CPS1: variants seen among roughly 807,000 people sequenced by gnomAD.
CPS1 encodes carbamoyl-phosphate synthase [ammonia], mitochondrial.
In CPS1, 109 loss-of-function variants were observed where a neutral mutation model predicts 174.6. The observed-to-expected ratio is 0.62, with a 90% CI of 0.53 to 0.73. The LOEUF (loss-of-function observed/expected upper bound fraction) is 0.73, where lower values mean the gene tolerates loss of function less well. Ranked by LOEUF, CPS1 falls within the 30% of genes least tolerant of loss-of-function variation. The probability of loss-of-function intolerance (pLI) is 0.00; values close to 1 mark genes in which losing one functional copy is unlikely to be tolerated. For missense variants in CPS1, 1,689 were observed against 1,821.9 expected (o/e 0.93, Z 1.33); for synonymous variants, 637 against 632.0 (o/e 1.01, Z -0.12).
intron 18 of CPS1, among the ~76,000 whole-genome samples, chr2:210,608,137 T>C (rs961511469): frequency 3.3e-5 from 5 of 151,914 alleles, no homozygotes; most frequent in African/African-American, 9.7e-5. Flanking sequence ...ATGCATGTAG[T>C]GCACAGAGAG....
At chr2:210,487,282 A>T (rs1390138894) in intron 1 of CPS1, among the ~76,000 whole-genome samples, 2 of 152,104 alleles carry the variant, frequency 1.3e-5, no homozygotes, top group African/African-American at 2.4e-5. Context: ...GCTTACTGTC[A>T]CTTCTCTCTG....
At chr2:210,567,101 G>A (rs185784061) in intron 1 of CPS1, among the ~76,000 whole-genome samples, 349 of 152,154 alleles carry the variant, frequency 2.3e-3, no homozygotes, top group Non-Finnish European at 3.5e-3. Flanking sequence ...GGTAGAAATA[G>A]GATAGTGACA....
chr2:210,510,464 A>G (rs1270046802), intron 1 of CPS1, among the ~76,000 whole-genome samples: 1 of 152,076 alleles, frequency 6.6e-6, no homozygotes, highest in Non-Finnish European at 1.5e-5. Flanking sequence ...GGACATAGGC[A>G]TGGGCAAGGG....
rs184842030 is a variant in CPS1 at position 210,485,241 on chromosome 2, A to T, written c.3+7475A>T. Among the ~76,000 whole-genome samples the T allele has an allele frequency of 1.8e-3, 259 of 140,042 alleles. 1 individual carries two copies. The highest frequency in any genetic ancestry group is 0.012 in the East Asian group (60 of 4,922). 91.9% of individuals were successfully genotyped at this position (140,042 alleles called of 152,430 possible). A position where few individuals can be genotyped will look rare whatever the true frequency, so the allele number is the denominator to read the frequency against. Reference sequence around the variant, plus strand: ...AGCAAGACTACATCTCAAAAAAAAAAAAAATAAAATAAAAATAAAAATAGA... The same window carrying T: ...AGCAAGACTACATCTCAAAAAAAAATAAAATAAAATAAAAATAAAAATAGA... On this transcript the variant is annotated intron_variant, in intron 1 of 38. Coordinates refer to the CPS1 transcript ENST00000430249.
chr2:210,554,087 G>GTA (rs896022007), upstream of CPS1, among the ~76,000 whole-genome samples: 3 of 143,194 alleles, frequency 2.1e-5, no homozygotes, highest in Admixed American at 7.1e-5. Flanking sequence ...ACATACATAT[G>GTA]TATATGTATG....
upstream of CPS1, among the ~76,000 whole-genome samples, chr2:210,555,467 G>A (rs62203714): frequency 8.7e-4 from 132 of 151,874 alleles, 1 homozygote; most frequent in Non-Finnish European, 1.7e-3. Flanking sequence ...ATCACCAGGA[G>A]CCATGAAGCA....
intron 19 of CPS1, among the ~76,000 whole-genome samples, chr2:210,608,770 G>A (rs1036682449): frequency 7.2e-5 from 11 of 151,800 alleles, no homozygotes; most frequent in South Asian, 2.1e-4. Flanking sequence ...ATGTTACATG[G>A]CCATTTTGCT....
chr2:210,639,280 A>G, intron 23 of CPS1, 65 bp downstream of exon 23: 4 of 1,273,544 alleles, frequency 3.1e-6, no homozygotes, highest in Non-Finnish European at 4.6e-6. Flanking sequence ...ACATTAGGGA[A>G]TATATATTTT....
chr2:210,607,879 G>A (rs186959005), intron 18 of CPS1, among the ~76,000 whole-genome samples: 47 of 151,904 alleles, frequency 3.1e-4, no homozygotes, highest in African/African-American at 1.1e-3. Context: ...AGATAATTTG[G>A]AGACAGAGCA....
chr2:210,590,303 G>A, intron 8 of CPS1, 69 bp downstream of exon 8: 1 of 1,603,198 alleles, frequency 6.2e-7, no homozygotes, highest in Non-Finnish European at 8.5e-7. Context: ...ACCCTCAAAG[G>A]GCTGTGATAC....
At chr2:210,549,568 G>C (rs1696666879) in intron 1 of CPS1, among the ~76,000 whole-genome samples, 2 of 152,020 alleles carry the variant, frequency 1.3e-5, no homozygotes. Context: ...TATTTGAAAT[G>C]CAGTAATTGT....
intron 32 of CPS1, among the ~76,000 whole-genome samples, chr2:210,662,877 C>G (rs1025794645): frequency 3.9e-5 from 6 of 152,158 alleles, no homozygotes; most frequent in Non-Finnish European, 8.8e-5. Flanking sequence ...CTCAGGCGCC[C>G]TATTTACAGA....
chr2:210,576,379 A>T lies in CPS1; in HGVS notation c.270A>T (p.Lys90Asn). The change falls in exon 3 of 38, where the codon AAA becomes AAT. Residue 90 changes from lysine (K) to asparagine (N), a missense_variant. Coordinates refer to ENST00000233072, the MANE Select transcript of CPS1 (RefSeq NM_001875.5). ...YPEAITDPAY[K>N]GQILTMANPI... The stretch of plus-strand genomic sequence containing the variant: ...AAGCTATTACTGACCCTGCCTACAA[A>T]GGACAGATTCTCACAATGGCCAACC... 6.2e-7 allele frequency: 1 copy of T among 1,613,802 alleles called. No homozygotes were observed. The highest frequency in any genetic ancestry group is 1.1e-5 in the South Asian group (1 of 91,084).
chr2:210,529,769 G>A (rs1696071340), intron 1 of CPS1, among the ~76,000 whole-genome samples: 1 of 151,824 alleles, frequency 6.6e-6, no homozygotes, highest in Non-Finnish European at 1.5e-5. Context: ...GGATGAGGAT[G>A]GATAAAATAT....
chr2:210,477,827 A>G (rs1694437513), intron 1 of CPS1: 3 of 1,579,450 alleles, frequency 1.9e-6, no homozygotes, highest in Middle Eastern at 1.7e-4. Context: ...GGAGCAACTC[A>G]CAAGAGAGAA....
intron 1 of CPS1, chr2:210,477,893 C>A: frequency 1.0e-6 from 1 of 999,698 alleles, no homozygotes; most frequent in Non-Finnish European, 1.5e-6. Flanking sequence ...TAAAGGCTAT[C>A]CATTTATCCC....
chr2:210,632,785 C>G (rs1287229285), intron 21 of CPS1, among the ~76,000 whole-genome samples: 1 of 152,160 alleles, frequency 6.6e-6, no homozygotes, highest in Admixed American at 6.5e-5. Flanking sequence ...GAACAAAATA[C>G]TATAGAAATT....
intron 24 of CPS1, among the ~76,000 whole-genome samples, chr2:210,641,560 G>A (rs1165834765): frequency 2.0e-5 from 3 of 152,158 alleles, no homozygotes; most frequent in Non-Finnish European, 4.4e-5. Flanking sequence ...CAGGAGACAC[G>A]TTCAGGCCAT....
At chr2:210,676,696 G>A (rs1701547240) in intron 36 of CPS1, among the ~76,000 whole-genome samples, 2 of 152,090 alleles carry the variant, frequency 1.3e-5, no homozygotes, top group South Asian at 2.1e-4. Flanking sequence ...ATTCAATGGT[G>A]GAGGGATCAC....
Sources: allele counts gnomAD v4.1 joint callset (sites outside exome capture counted in the v4.1 genomes callset), GRCh38; gene constraint gnomAD v4.1.1; transcripts MANE v1.5; gene names NCBI Gene and HGNC (gene_info 2026-07-23, HGNC 2026-07-21).